The following FAM151B variants were observed in gnomAD, a reference collection of about 807,000 sequenced individuals.
The protein encoded by FAM151B is protein FAM151B.
A neutral mutation model predicts 31.2 loss-of-function variants in FAM151B; 24 were observed. That is an observed-to-expected ratio of 0.77 (90% CI 0.56 to 1.08). The LOEUF (loss-of-function observed/expected upper bound fraction) is 1.08. Ranked by LOEUF, FAM151B falls within the 50% of genes least tolerant of loss-of-function variation. FAM151B has a pLI of 0.00. For synonymous variants in FAM151B, 105 were observed against 111.4 expected (o/e 0.94, Z 0.36); for missense variants, 293 against 328.6 (o/e 0.89, Z 0.84).
chr5:80,513,527 G>T, intron 2 of FAM151B, 77 bp from the exon 3 acceptor site: 1 of 1,365,558 alleles, frequency 7.3e-7, no homozygotes, highest in Non-Finnish European at 1.0e-6. Context: ...TTCCTCAAAA[G>T]GATACTGAAC....
rs1389163277 is a variant in FAM151B at position 80,501,828 on chromosome 5, G to A, written c.62G>A (p.Arg21Lys). Residue 21 changes from arginine to lysine, a missense_variant, in exon 2 of 6, where the codon AGA (arginine) becomes AAA (lysine). Physicochemically the swap from Arg to Lys is conservative, Grantham distance 26 (BLOSUM62 2). Coordinates refer to ENST00000282226, the MANE Select transcript of FAM151B (RefSeq NM_205548.3). Reference sequence around the variant, plus strand: ...GAAAATATACTGGAATATTTTCTGAGAAATAGCCAGATTACAGCAGAAGAC... The same window carrying A: ...GAAAATATACTGGAATATTTTCTGAAAAATAGCCAGATTACAGCAGAAGAC... ...WSENILEYFL[R>K]NSQITAEDGA... 6 of 1,602,460 alleles carry A rather than the reference G, an allele frequency of 3.7e-6. No individual in the cohort carries two copies. Among genetic ancestry groups the A allele is most frequent in the Admixed American group, 1.7e-5 (1 of 59,152 alleles).
Position 80,541,833 on chromosome 5 carries a change from GA to G in FAM151B, c.*3del. ...CATTGGAATCAAAGTTAATCTCTAA[GA>G]AGAAGATTCTCAATTATTTCCTGTG... is the stretch of plus-strand genomic sequence containing the variant. On this transcript the variant is annotated 3_prime_UTR_variant, in exon 6 of 6. Transcript: ENST00000282226. The G allele has an allele frequency of 6.2e-7, 1 of 1,609,562 alleles. No homozygotes were observed. Among genetic ancestry groups the G allele is most frequent in the South Asian group, 1.1e-5 (1 of 90,042 alleles).
At chr5:80,539,385 A>G (rs1745766475) in intron 5 of FAM151B, among the ~76,000 whole-genome samples, 1 of 151,338 alleles carries the variant, frequency 6.6e-6, no homozygotes, top group African/African-American at 2.4e-5. Flanking sequence ...TTTTAACCTC[A>G]ATTCCCGTTG....
At chr5:80,514,647 C>T (rs1744338973) in intron 3 of FAM151B, among the ~76,000 whole-genome samples, 1 of 151,980 alleles carries the variant, frequency 6.6e-6, no homozygotes, top group Non-Finnish European at 1.5e-5. Flanking sequence ...CAGAAATATA[C>T]AGCAACACTT....
At chr5:80,507,624 T>C (rs1744018339) in intron 2 of FAM151B, among the ~76,000 whole-genome samples, 1 of 152,196 alleles carries the variant, frequency 6.6e-6, no homozygotes, top group African/African-American at 2.4e-5. Flanking sequence ...GAGGCTGCAG[T>C]GAGCTGAGAT....
rs1037303110 is a variant in FAM151B, at chr5:80,542,555, T to G, written c.*723T>G. On this transcript the variant is annotated 3_prime_UTR_variant, in exon 6 of 6. Coordinates refer to ENST00000282226, the MANE Select transcript of FAM151B (RefSeq NM_205548.3). ...GGTCCTTGTTCTACTAGTAAAACTT[T>G]ATGAACTACTTTTTTCACGGCTCAT... 5.5e-4 allele frequency: 84 copies of G among 151,954 alleles called. No individual in the cohort carries two copies. Among genetic ancestry groups the G allele is most frequent in the African/African-American group, 1.9e-3 (80 of 41,506 alleles). 9.4% of individuals were successfully genotyped at this position (151,954 alleles called of 1,614,324 possible). A position where few individuals can be genotyped will look rare whatever the true frequency, so the allele number is the denominator to read the frequency against.
chr5:80,498,509 C>A (rs1444226531), intron 1 of FAM151B: 1 of 843,634 alleles, frequency 1.2e-6, no homozygotes, highest in Non-Finnish European at 1.9e-6. Context: ...TAGCTCATGT[C>A]TTTTATTAAC....
At position 80,488,143 on chromosome 5, in the gene FAM151B, G is replaced by A; in HGVS notation, c.20G>A (p.Gly7Asp). Residue 7 changes from glycine to aspartate, a missense_variant, in exon 1 of 6, where the codon GGC (glycine) becomes GAC (aspartate). Physicochemically the swap from Gly to Asp is moderately conservative, Grantham distance 94 (BLOSUM62 -1). Coordinates refer to ENST00000282226, the MANE Select transcript of FAM151B (RefSeq NM_205548.3). The stretch of plus-strand genomic sequence containing the variant: ...GTCACCATGGCAGCATCCGCTGGAG[G>A]CCCAGGTAAGCGCCGAGCGCGCGGC... MAASAG[G>D]PGSWSENILE... is the part of the protein sequence containing the mutation. 1 of 1,542,912 alleles carries A rather than the reference G, an allele frequency of 6.5e-7. No individual in the cohort carries two copies. The highest frequency in any genetic ancestry group is 2.5e-5 in the East Asian group (1 of 40,788).
intron 1 of FAM151B, chr5:80,500,566 C>T: frequency 1.3e-6 from 1 of 755,852 alleles, no homozygotes; most frequent in Non-Finnish European, 2.4e-6. Context: ...GAAAAGCTGG[C>T]AACTTCTGTG....
chr5:80,506,947 C>T (rs551651525), intron 2 of FAM151B, among the ~76,000 whole-genome samples: 1 of 151,858 alleles, frequency 6.6e-6, no homozygotes, highest in East Asian at 1.9e-4. Context: ...GGTGAACCTC[C>T]GTCTCTACTA....
chr5:80,491,119 C>G (rs949726479), intron 1 of FAM151B, among the ~76,000 whole-genome samples: 2 of 151,978 alleles, frequency 1.3e-5, no homozygotes, highest in East Asian at 1.9e-4. Context: ...ATTAATATAT[C>G]CATCACCTCA....
intron 1 of FAM151B, among the ~76,000 whole-genome samples, chr5:80,491,125 C>A (rs895251426): frequency 1.3e-5 from 2 of 152,064 alleles, no homozygotes; most frequent in African/African-American, 2.4e-5. Flanking sequence ...ATATCCATCA[C>A]CTCACATACT....
chr5:80,501,995 T>G, intron 2 of FAM151B, 78 bp downstream of exon 2: 3 of 1,189,078 alleles, frequency 2.5e-6, no homozygotes, highest in Non-Finnish European at 2.3e-6. Context: ...TAGGTATATT[T>G]GCAGATACTA....
In FAM151B at chr5:80,519,842, CCTT is replaced by C; in HGVS notation, c.471_473del (p.Phe158del). On this transcript the variant is annotated inframe_deletion, in exon 4 of 6. Transcript: ENST00000282226. ...AAACCATTTTTAGACACCGTGATAT[CCTT>C]CTTTCCAGACGTGACGTTTTCCCTG... The C allele has an allele frequency of 6.2e-7, 1 of 1,614,142 alleles. No individual in the cohort carries two copies. Among genetic ancestry groups the C allele is most frequent in the East Asian group, 2.2e-5 (1 of 44,874 alleles).
intron 1 of FAM151B, among the ~76,000 whole-genome samples, chr5:80,494,433 C>G (rs1174139145): frequency 9.2e-6 from 1 of 108,234 alleles, no homozygotes; most frequent in African/African-American, 3.2e-5. Context: ...TTCTTTCTGT[C>G]TTTCTTTCTT....
chr5:80,536,320 G>A (rs551131365), intron 5 of FAM151B, among the ~76,000 whole-genome samples: 2 of 151,432 alleles, frequency 1.3e-5, no homozygotes, highest in Admixed American at 6.6e-5. Context: ...ACAGGCGCCC[G>A]CCACCAAGTC....
At chr5:80,537,528 T>C (rs1263101920) in intron 5 of FAM151B, among the ~76,000 whole-genome samples, 3 of 152,224 alleles carry the variant, frequency 2.0e-5, no homozygotes, top group Non-Finnish European at 2.9e-5. Flanking sequence ...CAAAGGTACT[T>C]TTATCCATGA....
At chr5:80,538,460 T>TTCTCTCTCTCTCTC in intron 5 of FAM151B, among the ~76,000 whole-genome samples, 1 of 82,126 alleles carries the variant, frequency 1.2e-5, no homozygotes, top group Admixed American at 1.2e-4. Context: ...CTTTCTTTCT[T>TTCTCTCTCTCTCTC]TCTTTCTTTC....
At chr5:80,530,974 T>TCTCAGAAGCAGACATTTATGCAGCCAACA (rs1745216913) in intron 5 of FAM151B, among the ~76,000 whole-genome samples, 1 of 152,184 alleles carries the variant, frequency 6.6e-6, no homozygotes, top group Non-Finnish European at 1.5e-5. Flanking sequence ...TCATGCTACC[T>TCTCAGAAGCAGACATTTATGCAGCCAACA]GACTTCAAAC....
Sources: allele counts gnomAD v4.1 joint callset (sites outside exome capture counted in the v4.1 genomes callset), GRCh38; gene constraint gnomAD v4.1.1; transcripts MANE v1.5; gene names NCBI Gene and HGNC (gene_info 2026-07-23, HGNC 2026-07-21).